The following RORA variants were observed in gnomAD, a reference collection of about 807,000 sequenced individuals.
RORA encodes RAR related orphan receptor A.
RORA carries 7 observed loss-of-function variants against 69.5 expected under a neutral mutation model. That is an observed-to-expected ratio of 0.10 (90% confidence interval 0.06 to 0.19). The LOEUF is 0.19. Among genes scored for constraint, RORA ranks in the 10% least tolerant of loss-of-function variants. The probability of loss-of-function intolerance (pLI) is 1.00; values close to 1 mark genes in which losing one functional copy is unlikely to be tolerated. For missense variants in RORA, 457 were observed against 663.0 expected (o/e 0.69, Z 3.41); for synonymous variants, 261 against 240.8 (o/e 1.08, Z -0.78).
chr15:60,883,180 G>A (rs8034977), intron 1 of RORA, among the ~76,000 whole-genome samples: 25,318 of 113,260 alleles, frequency 0.22, 3,230 homozygotes, highest in Admixed American at 0.3. Flanking sequence ...GAGAGAGAGA[G>A]AGAAAGAAAG....
chr15:60,941,418 C>G (rs1014177444), intron 1 of RORA, among the ~76,000 whole-genome samples: 1 of 152,214 alleles, frequency 6.6e-6, no homozygotes, highest in Non-Finnish European at 1.5e-5. Flanking sequence ...CTATTAGGAC[C>G]CCAGGGCCAA....
chr15:60,987,081 G>A (rs555584573), intron 1 of RORA, among the ~76,000 whole-genome samples: 162 of 152,204 alleles, frequency 1.1e-3, no homozygotes, highest in Non-Finnish European at 2.1e-3. Flanking sequence ...GGAAAGACTG[G>A]TAATCACATA....
intron 2 of RORA, among the ~76,000 whole-genome samples, chr15:60,616,158 C>T (rs191824327): frequency 6.6e-6 from 1 of 152,282 alleles, no homozygotes; most frequent in Non-Finnish European, 1.5e-5. Context: ...CAAACTTAGG[C>T]ACACATATGT....
intron 1 of RORA, among the ~76,000 whole-genome samples, chr15:60,945,923 C>T (rs1038233353): frequency 6.6e-6 from 1 of 152,186 alleles, no homozygotes; most frequent in Non-Finnish European, 1.5e-5. Context: ...TGATGATGCT[C>T]ATAAGTTCTC....
At position 61,112,886 on chromosome 15, in the gene RORA, G is replaced by A. The variant is rs527742631; in HGVS notation, c.166+116167C>T. The stretch of plus-strand genomic sequence containing the variant: ...CTCTATTGTCTGTCTCCTCCTAGAC[G>A]AGGATGTTGCCTTACTGGGCCTGAG... On this transcript the variant is annotated intron_variant, in intron 1 of 10. Transcript: ENST00000335670. Among the ~76,000 whole-genome samples the A allele has an allele frequency of 6.1e-4, 93 of 152,326 alleles. 2 individuals are homozygous for A. The highest frequency in any genetic ancestry group is 1.9e-3 in the African/African-American group (78 of 41,584).
At chr15:60,867,676 A>G (rs1214571124) in intron 1 of RORA, among the ~76,000 whole-genome samples, 1 of 151,964 alleles carries the variant, frequency 6.6e-6, no homozygotes, top group Non-Finnish European at 1.5e-5. Context: ...ATTAATATGT[A>G]CTCTATAGAA....
intron 2 of RORA, among the ~76,000 whole-genome samples, chr15:60,549,650 G>A (rs1043934066): frequency 2.6e-5 from 4 of 152,162 alleles, no homozygotes; most frequent in African/African-American, 9.7e-5. Flanking sequence ...GTGTGGGAGG[G>A]AGGATCTGGT....
At chr15:60,719,981 AG>A (rs1216399971) in intron 1 of RORA, among the ~76,000 whole-genome samples, 1 of 152,152 alleles carries the variant, frequency 6.6e-6, no homozygotes, top group Non-Finnish European at 1.5e-5. Flanking sequence ...CTGGCTAGAG[AG>A]GTATTTCAAG....
intron 1 of RORA, among the ~76,000 whole-genome samples, chr15:61,182,742 G>C (rs1284423931): frequency 6.6e-6 from 1 of 152,234 alleles, no homozygotes; most frequent in Non-Finnish European, 1.5e-5. Flanking sequence ...ATCAGATCGA[G>C]GTTCACATCA....
intron 10 of RORA, among the ~76,000 whole-genome samples, chr15:60,497,932 G>A (rs1200815025): frequency 1.3e-5 from 2 of 151,894 alleles, no homozygotes; most frequent in East Asian, 1.9e-4. Context: ...GGCAGCGTGC[G>A]CCTGTAATCC....
intron 1 of RORA, among the ~76,000 whole-genome samples, chr15:60,757,115 T>C (rs929355589): frequency 1.3e-5 from 2 of 152,182 alleles, no homozygotes; most frequent in African/African-American, 4.8e-5. Flanking sequence ...TAATATATAT[T>C]ACTATGAAAT....
chr15:60,948,982 G>A lies in RORA; in HGVS notation c.167-270296C>T, dbSNP rs114536317. Reference sequence around the variant, plus strand: ...ATCTGAACAGGCAAACAGGAAACAGGCAGAGTTGAGTAGAAGTATATTCTG... The same window carrying A: ...ATCTGAACAGGCAAACAGGAAACAGACAGAGTTGAGTAGAAGTATATTCTG... On this transcript the variant is annotated intron_variant, in intron 1 of 10. Transcript: ENST00000335670. Among the ~76,000 whole-genome samples, 1,178 of 152,298 alleles carry A rather than the reference G, an allele frequency of 7.7e-3. 17 individuals carry two copies. Among genetic ancestry groups the A allele is most frequent in the African/African-American group, 0.027 (1,124 of 41,542 alleles).
chr15:60,923,599 T>C (rs1275721096), intron 1 of RORA, among the ~76,000 whole-genome samples: 2 of 152,218 alleles, frequency 1.3e-5, no homozygotes, highest in Admixed American at 1.3e-4. Flanking sequence ...AAAAGGCACA[T>C]AATCCTAAAA....
intron 1 of RORA, among the ~76,000 whole-genome samples, chr15:60,830,592 T>TA (rs2073029674): frequency 6.6e-6 from 1 of 152,240 alleles, no homozygotes; most frequent in Admixed American, 6.5e-5. Context: ...GTAACTGTCT[T>TA]AGTGGCTGAT....
At chr15:60,851,770 G>A (rs955102455) in intron 1 of RORA, among the ~76,000 whole-genome samples, 2 of 150,926 alleles carry the variant, frequency 1.3e-5, no homozygotes, top group African/African-American at 4.9e-5. Flanking sequence ...GTGAGAGAGA[G>A]AGAGAGATTT....
At chr15:60,896,221 C>T (rs1031366637) in intron 1 of RORA, among the ~76,000 whole-genome samples, 1 of 152,220 alleles carries the variant, frequency 6.6e-6, no homozygotes, top group African/African-American at 2.4e-5. Context: ...ATTTTCCTGT[C>T]TGCTTCCCAG....
At chr15:60,765,888 T>C (rs2140876721) in intron 1 of RORA, among the ~76,000 whole-genome samples, 1 of 151,924 alleles carries the variant, frequency 6.6e-6, no homozygotes, top group Middle Eastern at 3.4e-3. Flanking sequence ...TATCGGTACT[T>C]TACTCACTCA....
Position 60,488,929 on chromosome 15 carries a change from C to G in RORA, c.*8526G>C, listed in dbSNP as rs1330525517. 7.2e-5 allele frequency: 11 copies of G among 152,208 alleles called. No homozygotes were observed. Among genetic ancestry groups the G allele is most frequent in the Non-Finnish European group, 1.5e-4 (10 of 67,998 alleles). The allele number at this position is 152,208 out of a possible 1,614,324, so 9.4% of individuals were successfully genotyped here. A position where few individuals can be genotyped will look rare whatever the true frequency, so the allele number is the denominator to read the frequency against. ...CTTGGTTGTAGAGGAGAATGTTAAC[C>G]GTAAGGCTTGGCTTACTTTGTAAAT... On this transcript the variant is annotated 3_prime_UTR_variant, in exon 11 of 11. Transcript: ENST00000335670.
chr15:61,048,180 A>G lies in RORA; in HGVS notation c.166+180873T>C, dbSNP rs1897126172. 2.0e-5 allele frequency among the ~76,000 whole-genome samples: 3 copies of G among 152,336 alleles called. No individual in the cohort carries two copies. In the South Asian group the frequency reaches 6.2e-4, roughly 32 times the overall value. ...TTCTATTTGAAACTAAATAATATCA[A>G]CAATACTTTAAGTAAGATTATGCTG... On this transcript the variant is annotated intron_variant, in intron 1 of 10. Coordinates refer to ENST00000335670, the MANE Select transcript of RORA (RefSeq NM_134261.3).
Sources: allele counts gnomAD v4.1 joint callset (sites outside exome capture counted in the v4.1 genomes callset), GRCh38; gene constraint gnomAD v4.1.1; transcripts MANE v1.5; gene names NCBI Gene and HGNC (gene_info 2026-07-23, HGNC 2026-07-21).